The following ZNF782 variants were observed in gnomAD, a reference collection of about 807,000 sequenced individuals.
The protein encoded by ZNF782 is zinc finger protein 782.
In ZNF782, 12 loss-of-function variants were observed where a neutral mutation model predicts 13.0. That is an observed-to-expected ratio of 0.92 (90% confidence interval 0.59 to 1.50). The LOEUF (loss-of-function observed/expected upper bound fraction) is 1.50. Ranked by LOEUF, ZNF782 falls within the 40% of genes most tolerant of loss-of-function variation. ZNF782 has a pLI of 0.00. For missense variants in ZNF782, 770 were observed against 822.9 expected, an observed-to-expected ratio of 0.94 and a Z score of 0.79; for synonymous variants, 284 against 283.0, an observed-to-expected ratio of 1.00 and a Z score of -0.04.
chr9:96,899,456 C>T, the ZNF782 span, among the ~76,000 whole-genome samples: 1 of 152,134 alleles, frequency 6.6e-6, no homozygotes, highest in African/African-American at 2.4e-5. Flanking sequence ...GATATTGGAC[C>T]TAGGAGCTCT....
Position 96,818,993 on chromosome 9 carries a change from T to C in ZNF782, c.1030A>G (p.Thr344Ala). Reference protein sequence around the residue: ...TDKYSDYHPCTETFSYQSTFS... With the variant: ...TDKYSDYHPCAETFSYQSTFS... The stretch of plus-strand genomic sequence containing the variant: ...GTTGACTGGTAGCTGAATGTCTCTG[T>C]ACATGGGTGATAATCAGAGTATTTA... The change falls in exon 6 of 6, where the codon ACA becomes GCA. Residue 344 changes from threonine (T) to alanine (A), a missense_variant. Coordinates refer to ENST00000481138, the MANE Select transcript of ZNF782 (RefSeq NM_001001662.3). 6.2e-7 allele frequency: 1 copy of C among 1,614,182 alleles called. No individual in the cohort carries two copies. The highest frequency in any genetic ancestry group is 8.5e-7 in the Non-Finnish European group (1 of 1,180,012).
At chr9:96,921,939 G>A in the ZNF782 span, among the ~76,000 whole-genome samples, 2 of 151,234 alleles carry the variant, frequency 1.3e-5, no homozygotes, top group East Asian at 2.0e-4. Flanking sequence ...TGATCCACCC[G>A]CCTTGGCCTC....
Position 96,854,068 on chromosome 9 carries a change from T to G in ZNF782, c.-262+20A>C, listed in dbSNP as rs78760645. 2.0e-5 allele frequency: 3 copies of G among 152,254 alleles called. No individual in the cohort carries two copies. The highest frequency in any genetic ancestry group is 4.8e-5 in the African/African-American group (2 of 41,460). The allele number at this position is 152,254 out of a possible 1,614,324, so 9.4% of individuals were successfully genotyped here. A position where few individuals can be genotyped will look rare whatever the true frequency, so the allele number is the denominator to read the frequency against. On this transcript the variant is annotated intron_variant, in intron 1 of 5. Coordinates refer to ENST00000481138, the MANE Select transcript of ZNF782 (RefSeq NM_001001662.3). ...TCCCTACATTCGCCTCGGCTTCCAG[T>G]TGACAGAGATGGAACTTACCCGGGT...
At position 96,848,663 on chromosome 9, in the gene ZNF782, T is replaced by C. The variant is rs182981184; in HGVS notation, c.15+3284A>G. ...CTCTACAAGAACTACATAACACTGC[T>C]GAAAGAAATCACAGGTGACACAGAC... On this transcript the variant is annotated intron_variant, in intron 3 of 5. Transcript: ENST00000481138. Among the ~76,000 whole-genome samples the C allele has an allele frequency of 2.3e-3, 344 of 152,250 alleles. 1 individual carries two copies. The highest frequency in any genetic ancestry group is 1.5e-3 in the Non-Finnish European group (103 of 68,012).
intron 3 of ZNF782, among the ~76,000 whole-genome samples, chr9:96,859,995 GAGACTGTGATGACGTCGTAGGTGGGAAC>G (rs1362686013): frequency 7.9e-5 from 12 of 152,308 alleles, no homozygotes; most frequent in Non-Finnish European, 1.3e-4. Flanking sequence ...TAATCCGCAT[GAGACTGTGATGACGTCGTAGGTGGGAAC>G]AGACTACCCT....
the ZNF782 span, among the ~76,000 whole-genome samples, chr9:96,884,211 C>A: frequency 1.6e-3 from 248 of 152,292 alleles, 1 homozygote; most frequent in Admixed American, 3.6e-3. Flanking sequence ...TGGAAGCAGA[C>A]AGTGCTCTGA....
chr9:96,846,284 A>C (rs1851337551), intron 3 of ZNF782, among the ~76,000 whole-genome samples: 1 of 152,182 alleles, frequency 6.6e-6, no homozygotes, highest in Admixed American at 6.5e-5. Context: ...CCAATAATTC[A>C]ATGAAAAAAG....
At chr9:96,885,554 G>A in the ZNF782 span, among the ~76,000 whole-genome samples, 1 of 152,108 alleles carries the variant, frequency 6.6e-6, no homozygotes, top group Non-Finnish European at 1.5e-5. Flanking sequence ...GTAGGAGAGA[G>A]AGGCACTGAA....
the ZNF782 span, among the ~76,000 whole-genome samples, chr9:96,933,178 C>T: frequency 6.7e-6 from 1 of 149,134 alleles, no homozygotes; most frequent in East Asian, 2.0e-4. Flanking sequence ...CGGGGTTTCA[C>T]CATGTTAGCC....
intron 1 of ZNF782, among the ~76,000 whole-genome samples, chr9:96,870,383 G>A (rs990612002): frequency 6.6e-6 from 1 of 152,102 alleles, no homozygotes; most frequent in Non-Finnish European, 1.5e-5. Flanking sequence ...GAAGTGAGGG[G>A]TTATATAACA....
At chr9:96,843,959 A>G (rs770090894) in intron 4 of ZNF782, among the ~76,000 whole-genome samples, 2 of 152,324 alleles carry the variant, frequency 1.3e-5, no homozygotes, top group East Asian at 1.9e-4. Context: ...AAAATGAGCT[A>G]AAGATTTGAC....
the ZNF782 span, chr9:96,894,506 T>A: frequency 6.6e-6 from 1 of 152,124 alleles, no homozygotes; most frequent in South Asian, 2.1e-4. Flanking sequence ...TGAAGTTTCC[T>A]CTTAGTAATT....
At chr9:96,845,796 A>AACTTC (rs1851326526) in intron 3 of ZNF782, among the ~76,000 whole-genome samples, 1 of 152,242 alleles carries the variant, frequency 6.6e-6, no homozygotes, top group African/African-American at 2.4e-5. Context: ...AACTGAGGAA[A>AACTTC]ACTTCACTGA....
chr9:96,924,233 AT>A, the ZNF782 span, among the ~76,000 whole-genome samples: 4 of 115,688 alleles, frequency 3.5e-5, no homozygotes, highest in Non-Finnish European at 7.0e-5. Context: ...TACGCAACAA[AT>A]TCCAAACTAA....
chr9:96,923,063 T>C, the ZNF782 span, among the ~76,000 whole-genome samples: 1 of 146,594 alleles, frequency 6.8e-6, no homozygotes. Context: ...CCCATCTCTC[T>C]ATCAGAGACA....
At chr9:96,890,806 C>A in the ZNF782 span, 4 of 152,200 alleles carry the variant, frequency 2.6e-5, no homozygotes, top group African/African-American at 9.7e-5. Context: ...TATGATCCAG[C>A]AATTCCACTC....
the ZNF782 span, among the ~76,000 whole-genome samples, chr9:96,927,371 G>A: frequency 5.3e-5 from 8 of 151,866 alleles, no homozygotes; most frequent in Non-Finnish European, 1.2e-4. Context: ...AGAAAAAGAC[G>A]GTGTTCTGCT....
intron 4 of ZNF782, among the ~76,000 whole-genome samples, chr9:96,839,733 T>C: frequency 6.6e-6 from 1 of 152,182 alleles, no homozygotes; most frequent in Admixed American, 6.5e-5. Flanking sequence ...ATATCAACAG[T>C]TACGTATATT....
the ZNF782 span, among the ~76,000 whole-genome samples, chr9:96,887,182 C>T: frequency 2.3e-3 from 351 of 151,186 alleles, 3 homozygotes; most frequent in African/African-American, 8.0e-3. Flanking sequence ...GGTGTGGTGG[C>T]ACACGCCTGT....
Sources: gnomAD v4.1 joint callset for allele counts (sites outside exome capture counted in the v4.1 genomes callset) on GRCh38, gnomAD v4.1.1 for gene constraint, MANE v1.5 for transcripts, NCBI Gene and HGNC (gene_info 2026-07-23, HGNC 2026-07-21) for gene names.